DLC1: variants seen among roughly 807,000 people sequenced by gnomAD.
DLC1 encodes DLC1 Rho GTPase activating protein.
DLC1 carries 54 observed loss-of-function variants against 140.3 expected under a neutral mutation model. The observed-to-expected ratio is 0.38, with a 90% confidence interval of 0.31 to 0.48. DLC1 has a LOEUF of 0.48. Ranked by LOEUF, DLC1 falls within the 20% of genes least tolerant of loss-of-function variation. The pLI is 0.96. For missense variants in DLC1, 2,536 were observed against 1,907.0 expected (o/e 1.33, Z -6.14); for synonymous variants, 986 against 728.1 (o/e 1.35, Z -5.70).
intron 5 of DLC1, among the ~76,000 whole-genome samples, chr8:13,267,729 AGTGTGTGTGT>A (rs58701617): frequency 0.022 from 3,022 of 140,488 alleles, 45 homozygotes; most frequent in African/African-American, 0.037. Context: ...ATTCCTGAGG[AGTGTGTGTGT>A]GTGTGTGTGT....
intron 8 of DLC1, among the ~76,000 whole-genome samples, chr8:13,101,415 A>G (rs1004654693): frequency 6.6e-6 from 1 of 152,244 alleles, no homozygotes. Flanking sequence ...AGCAATGAGC[A>G]GGACTGCCTC....
intron 1 of DLC1, among the ~76,000 whole-genome samples, chr8:13,591,904 G>GT (rs1295738351): frequency 2.0e-5 from 3 of 151,990 alleles, no homozygotes; most frequent in Admixed American, 6.6e-5. Context: ...GAAACCTATG[G>GT]TTTTTTTGAC....
At chr8:13,457,676 CAA>C (rs34916262) in intron 2 of DLC1, among the ~76,000 whole-genome samples, 113 of 54,868 alleles carry the variant, frequency 2.1e-3, no homozygotes, top group Middle Eastern at 0.024. Context: ...GACTCCATCT[CAA>C]AAAAAAAAAA....
chr8:13,256,761 T>C (rs1345448266), intron 5 of DLC1, among the ~76,000 whole-genome samples: 2 of 150,848 alleles, frequency 1.3e-5, no homozygotes, highest in East Asian at 2.0e-4. Context: ...TTAAGACAAA[T>C]ACCTAAGGCA....
At chr8:13,228,967 G>T (rs1481326427) in intron 5 of DLC1, among the ~76,000 whole-genome samples, 1 of 152,154 alleles carries the variant, frequency 6.6e-6, no homozygotes, top group Non-Finnish European at 1.5e-5. Flanking sequence ...GGAGGGATTG[G>T]AACCCTCATG....
At chr8:13,352,103 G>T (rs955351330) in intron 4 of DLC1, among the ~76,000 whole-genome samples, 4 of 152,046 alleles carry the variant, frequency 2.6e-5, no homozygotes, top group Non-Finnish European at 4.4e-5. Flanking sequence ...TAGCTTTTGG[G>T]GGTAGCTTCT....
At chr8:13,096,523 C>T (rs1046735243) in intron 10 of DLC1, among the ~76,000 whole-genome samples, 1 of 152,044 alleles carries the variant, frequency 6.6e-6, no homozygotes, top group Non-Finnish European at 1.5e-5. Context: ...GCATAATACT[C>T]GCTTTGTCGG....
At chr8:13,238,610 A>G (rs1488596191) in intron 5 of DLC1, among the ~76,000 whole-genome samples, 1 of 152,058 alleles carries the variant, frequency 6.6e-6, no homozygotes, top group Non-Finnish European at 1.5e-5. Flanking sequence ...TAACAATTAG[A>G]AAAAGGCCTC....
chr8:13,549,459 C>T (rs1250895989), intron 1 of DLC1, among the ~76,000 whole-genome samples: 1 of 152,080 alleles, frequency 6.6e-6, no homozygotes, highest in Non-Finnish European at 1.5e-5. Flanking sequence ...TGCTTCAACC[C>T]TCCAATTACA....
At chr8:13,182,937 C>T (rs1298677357) in intron 5 of DLC1, among the ~76,000 whole-genome samples, 1 of 152,118 alleles carries the variant, frequency 6.6e-6, no homozygotes, top group Non-Finnish European at 1.5e-5. Context: ...GATATTGATT[C>T]TTCCTATCCA....
In DLC1 at chr8:13,230,208, T is replaced by G. The variant is rs80346030; in HGVS notation, c.1348+75061A>C. Among the ~76,000 whole-genome samples the G allele has an allele frequency of 1.3e-4, 20 of 152,356 alleles. 1 individual carries two copies. The East Asian group carries it at 3.9e-3, about 29-fold the overall frequency. ...GCCAATAAACCATTTCTGGTACTTG[T>G]AGCCAGTAAATAGTGATTGTAGGAT... On this transcript the variant is annotated intron_variant, in intron 5 of 17. Transcript: ENST00000276297.
At chr8:13,242,008 T>C (rs570768897) in intron 5 of DLC1, among the ~76,000 whole-genome samples, 2 of 152,298 alleles carry the variant, frequency 1.3e-5, no homozygotes, top group Admixed American at 6.5e-5. Flanking sequence ...GGATTATCCA[T>C]GGATTAGGAT....
intron 1 of DLC1, chr8:13,566,776 G>A (rs1361602495): frequency 1.6e-6 from 1 of 606,618 alleles, no homozygotes; most frequent in Admixed American, 3.6e-5. Context: ...GGGCGCTGGG[G>A]AGCGCGGAGG....
intron 1 of DLC1, among the ~76,000 whole-genome samples, chr8:13,512,408 C>G (rs756519681): frequency 1.3e-5 from 2 of 152,230 alleles, no homozygotes; most frequent in East Asian, 3.9e-4. Context: ...AGCCCACGCT[C>G]CCATTTTATA....
chr8:13,525,900 T>C (rs528978181), intron 1 of DLC1, among the ~76,000 whole-genome samples: 3 of 152,308 alleles, frequency 2.0e-5, no homozygotes. Flanking sequence ...CTCTGCCTAA[T>C]CTAAGATCAC....
At position 13,118,324 on chromosome 8, in the gene DLC1, T is replaced by C. The variant is rs548535474; in HGVS notation, c.1349-2667A>G. ...GGCAAAGGTTTGCTTCTTCAGCAGA[T>C]AATTTAATTAACAGTTTATACAATG... On this transcript the variant is annotated intron_variant, in intron 5 of 17. Transcript: ENST00000276297. Among the ~76,000 whole-genome samples, 9 of 152,344 alleles carry C rather than the reference T, an allele frequency of 5.9e-5. No individual in the cohort carries two copies. In the East Asian group the frequency reaches 9.6e-4, roughly 16 times the overall value.
chr8:13,577,562 TG>T (rs1392886042), intron 1 of DLC1, among the ~76,000 whole-genome samples: 1 of 152,214 alleles, frequency 6.6e-6, no homozygotes, highest in Non-Finnish European at 1.5e-5. Context: ...CATAAAATTT[TG>T]CCAATTGTTC....
chr8:13,118,004 CTTTTTTTTT>C (rs35775672), intron 5 of DLC1, among the ~76,000 whole-genome samples: 20 of 114,962 alleles, frequency 1.7e-4, no homozygotes, highest in Admixed American at 1.8e-4. Context: ...TGTTCTCTTT[CTTTTTTTTT>C]TTTTTTTTTT....
chr8:13,576,422 G>GC (rs1804838909), intron 1 of DLC1, among the ~76,000 whole-genome samples: 1 of 152,144 alleles, frequency 6.6e-6, no homozygotes, highest in Admixed American at 6.5e-5. Context: ...ATTTGCAACA[G>GC]CATAAATAGG....
Sources: allele counts gnomAD v4.1 joint callset (sites outside exome capture counted in the v4.1 genomes callset), GRCh38; gene constraint gnomAD v4.1.1; transcripts MANE v1.5; gene names NCBI Gene and HGNC (gene_info 2026-07-23, HGNC 2026-07-21).